The following NR6A1 variants were observed in gnomAD, a reference collection of about 807,000 sequenced individuals.
The protein encoded by NR6A1 is retinoic acid receptor-related testis-associated receptor.
Under a neutral mutation model 59.1 loss-of-function variants are expected in NR6A1, and 7 were observed. The observed-to-expected ratio is 0.12, with a 90% CI of 0.07 to 0.22. NR6A1 has a LOEUF of 0.22. NR6A1 is among the 10% of genes least tolerant of loss of function. The probability of loss-of-function intolerance (pLI) is 1.00; values close to 1 mark genes in which losing one functional copy is unlikely to be tolerated. For synonymous variants in NR6A1, 243 were observed against 236.1 expected (o/e 1.03, Z -0.27); for missense variants, 468 against 611.6 (o/e 0.77, Z 2.48).
intron 1 of NR6A1, among the ~76,000 whole-genome samples, chr9:124,753,792 C>T (rs544670150): frequency 5.9e-5 from 9 of 152,262 alleles, no homozygotes; most frequent in South Asian, 2.1e-4. Context: ...GAGACAGGAG[C>T]ATTTGCTCTG....
At chr9:124,744,713 T>C (rs941658512) in intron 1 of NR6A1, among the ~76,000 whole-genome samples, 1 of 152,246 alleles carries the variant, frequency 6.6e-6, no homozygotes, top group African/African-American at 2.4e-5. Flanking sequence ...GAAGTGAAGA[T>C]GTTTTTATTT....
At chr9:124,541,246 C>T (rs1356205757) in intron 4 of NR6A1, among the ~76,000 whole-genome samples, 1 of 151,862 alleles carries the variant, frequency 6.6e-6, no homozygotes, top group Admixed American at 6.6e-5. Flanking sequence ...GGTCAACATC[C>T]ACAACATACA....
chr9:124,611,554 A>G (rs532450166), intron 2 of NR6A1, among the ~76,000 whole-genome samples: 1 of 152,206 alleles, frequency 6.6e-6, no homozygotes, highest in East Asian at 1.9e-4. Flanking sequence ...TGGGCAATAT[A>G]GTGAGACACT....
At position 124,719,784 on chromosome 9, in the gene NR6A1, G is replaced by T. The variant is rs376133607; in HGVS notation, c.142+13524C>A. Among the ~76,000 whole-genome samples the T allele has an allele frequency of 1.2e-3, 184 of 152,136 alleles. 2 individuals carry two copies. Among genetic ancestry groups the T allele is most frequent in the African/African-American group, 3.9e-3 (164 of 41,530 alleles). On this transcript the variant is annotated intron_variant, in intron 2 of 9. Transcript: ENST00000487099. Reference sequence around the variant, plus strand: ...AAAACACAAAGATTAGCCCACCGCGGTAATGCGCGCCTATAGTCCCAGCCA... The same window carrying T: ...AAAACACAAAGATTAGCCCACCGCGTTAATGCGCGCCTATAGTCCCAGCCA...
intron 2 of NR6A1, among the ~76,000 whole-genome samples, chr9:124,606,085 A>G (rs1037779310): frequency 2.0e-5 from 3 of 152,116 alleles, no homozygotes; most frequent in South Asian, 2.1e-4. Context: ...TCCCAACCTC[A>G]TAAGAGCCTT....
At chr9:124,727,787 C>T (rs1156798963) in intron 2 of NR6A1, among the ~76,000 whole-genome samples, 3 of 151,762 alleles carry the variant, frequency 2.0e-5, no homozygotes, top group African/African-American at 4.8e-5. Flanking sequence ...CAGGTTCAAG[C>T]GATTCTCCTG....
At chr9:124,657,745 C>CG (rs991390173) in intron 2 of NR6A1, among the ~76,000 whole-genome samples, 1 of 151,908 alleles carries the variant, frequency 6.6e-6, no homozygotes, top group African/African-American at 2.4e-5. Flanking sequence ...ATAGCTTCCC[C>CG]CCCCCAGCAA....
chr9:124,589,717 C>T (rs1430825841), intron 2 of NR6A1, among the ~76,000 whole-genome samples: 5 of 151,948 alleles, frequency 3.3e-5, no homozygotes, highest in Non-Finnish European at 7.4e-5. Context: ...TTTAATATAC[C>T]ATAAATAAAT....
chr9:124,694,122 T>C (rs964941642), intron 2 of NR6A1, among the ~76,000 whole-genome samples: 11 of 152,112 alleles, frequency 7.2e-5, no homozygotes, highest in Non-Finnish European at 5.9e-5. Context: ...AAAGTAAAAA[T>C]TGAAAATCCC....
At chr9:124,737,522 G>C (rs1473282843) in intron 1 of NR6A1, among the ~76,000 whole-genome samples, 1 of 152,158 alleles carries the variant, frequency 6.6e-6, no homozygotes, top group Non-Finnish European at 1.5e-5. Flanking sequence ...CGTTAAATTG[G>C]ATTTATTCAA....
chr9:124,722,760 C>T (rs1321505292), intron 2 of NR6A1, among the ~76,000 whole-genome samples: 1 of 152,170 alleles, frequency 6.6e-6, no homozygotes, highest in Non-Finnish European at 1.5e-5. Flanking sequence ...TCCCGACACC[C>T]AGGCTAGAAT....
At chr9:124,760,211 C>G (rs1248716861) in intron 1 of NR6A1, among the ~76,000 whole-genome samples, 6 of 151,846 alleles carry the variant, frequency 4.0e-5, no homozygotes, top group Admixed American at 3.3e-4. Flanking sequence ...GCTCCAGGGG[C>G]TGAAGCAGGA....
chr9:124,629,592 T>C (rs889422086), intron 2 of NR6A1, among the ~76,000 whole-genome samples: 2 of 152,200 alleles, frequency 1.3e-5, no homozygotes, highest in African/African-American at 2.4e-5. Context: ...TGTTTTTTCC[T>C]TTCTCGAGGC....
At chr9:124,735,090 C>T (rs1839986448) in intron 1 of NR6A1, among the ~76,000 whole-genome samples, 1 of 152,156 alleles carries the variant, frequency 6.6e-6, no homozygotes, top group Non-Finnish European at 1.5e-5. Context: ...GTGATCTGAC[C>T]ACCTTCGCCT....
At chr9:124,652,305 C>G (rs1015306661) in intron 2 of NR6A1, among the ~76,000 whole-genome samples, 86 of 152,282 alleles carry the variant, frequency 5.6e-4, no homozygotes, top group African/African-American at 2.0e-3. Context: ...GGGGTTACAA[C>G]CCAGCTCTAA....
chr9:124,657,203 C>T (rs1837285479), intron 2 of NR6A1, among the ~76,000 whole-genome samples: 1 of 152,164 alleles, frequency 6.6e-6, no homozygotes, highest in African/African-American at 2.4e-5. Flanking sequence ...CGGGTTAAGA[C>T]AAGAGAATAA....
rs545630629 is a variant in NR6A1, at chr9:124,616,284, C to T, written c.143-61714G>A. On this transcript the variant is annotated intron_variant, in intron 2 of 9. Coordinates refer to ENST00000487099, the MANE Select transcript of NR6A1 (RefSeq NM_033334.4). Reference sequence around the variant, plus strand: ...AGGCATGGTGGCGCATGCCTGTAATCCCAAGCTACTCCACTGGCTGAAGCA... The same window carrying T: ...AGGCATGGTGGCGCATGCCTGTAATTCCAAGCTACTCCACTGGCTGAAGCA... Among the ~76,000 whole-genome samples, 208 of 151,616 alleles carry T rather than the reference C, an allele frequency of 1.4e-3. 3 individuals are homozygous for T. In the East Asian group the frequency reaches 0.034, roughly 25 times the overall value.
At chr9:124,662,209 T>C (rs1837461424) in intron 2 of NR6A1, among the ~76,000 whole-genome samples, 1 of 152,116 alleles carries the variant, frequency 6.6e-6, no homozygotes, top group Non-Finnish European at 1.5e-5. Context: ...GTACGTGAAA[T>C]GCTCCAGAAT....
At chr9:124,559,756 G>A (rs1034284206) in intron 2 of NR6A1, among the ~76,000 whole-genome samples, 3 of 152,094 alleles carry the variant, frequency 2.0e-5, no homozygotes, top group Admixed American at 1.3e-4. Context: ...CAGCCTGGGC[G>A]ACAGAACAAG....
Sources: allele counts gnomAD v4.1 joint callset (sites outside exome capture counted in the v4.1 genomes callset), GRCh38; gene constraint gnomAD v4.1.1; transcripts MANE v1.5; gene names NCBI Gene and HGNC (gene_info 2026-07-23, HGNC 2026-07-21).